The following ARHGAP35 variants were observed in gnomAD, a reference collection of about 807,000 sequenced individuals.
ARHGAP35 encodes the protein rho GTPase-activating protein 35.
In ARHGAP35, 15 loss-of-function variants were observed where a neutral mutation model predicts 111.1. The observed-to-expected ratio is 0.13, with a 90% CI of 0.09 to 0.21. The LOEUF is 0.21. Ranked by LOEUF, ARHGAP35 falls within the 10% of genes least tolerant of loss-of-function variation. ARHGAP35 has a pLI of 1.00. For synonymous variants in ARHGAP35, 643 were observed against 710.3 expected (o/e 0.91, Z 1.51); for missense variants, 1,262 against 1,873.0 (o/e 0.67, Z 6.02).
At chr19:46,976,834 G>A (rs940324957) in intron 3 of ARHGAP35, among the ~76,000 whole-genome samples, 1 of 152,212 alleles carries the variant, frequency 6.6e-6, no homozygotes, top group African/African-American at 2.4e-5. Flanking sequence ...TGGGGGCTCC[G>A]GTGGCCCTTG....
chr19:46,892,053 G>A (rs1214536232), intron 1 of ARHGAP35, among the ~76,000 whole-genome samples: 2 of 148,002 alleles, frequency 1.4e-5, no homozygotes, highest in African/African-American at 2.5e-5. Flanking sequence ...TTGGAAGGCC[G>A]AGGCAGGCAG....
intron 3 of ARHGAP35, among the ~76,000 whole-genome samples, chr19:46,985,963 C>T (rs959737768): frequency 2.0e-5 from 3 of 152,144 alleles, no homozygotes; most frequent in African/African-American, 7.2e-5. Flanking sequence ...GTAGCAGTGA[C>T]AATAACAACC....
intron 1 of ARHGAP35, among the ~76,000 whole-genome samples, chr19:46,880,236 C>A (rs145438187): frequency 0.045 from 6,812 of 152,120 alleles, 222 homozygotes; most frequent in Non-Finnish European, 0.068. Context: ...AGTTCGACAC[C>A]AGCCTGGCCA....
At chr19:46,984,628 G>A (rs1040272576) in intron 3 of ARHGAP35, among the ~76,000 whole-genome samples, 6 of 152,284 alleles carry the variant, frequency 3.9e-5, no homozygotes, top group South Asian at 2.1e-4. Flanking sequence ...TATTGTGTAC[G>A]ACAGCAGCAG....
At position 46,942,816 on chromosome 19, in the gene ARHGAP35, AG is replaced by A. The variant is rs539831576; in HGVS notation, c.3826+5409del. The stretch of plus-strand genomic sequence containing the variant: ...GGGCAACAGAGCAAGACCCTGTCTC[AG>A]AAAAAAAAAAAAAAAAAAAAGGAAA... On this transcript the variant is annotated intron_variant, in intron 3 of 6. Transcript: ENST00000672722. 8.9e-3 allele frequency among the ~76,000 whole-genome samples: 805 copies of A among 90,148 alleles called. 122 individuals carry two copies. The highest frequency in any genetic ancestry group is 0.025 in the Admixed American group (240 of 9,512). The allele number at this position is 90,148 out of a possible 152,430, so 59.1% of individuals were successfully genotyped here.
chr19:46,990,728 G>A (rs1295268893), intron 5 of ARHGAP35, among the ~76,000 whole-genome samples: 2 of 152,208 alleles, frequency 1.3e-5, no homozygotes, highest in African/African-American at 4.8e-5. Context: ...TGAGGGAGGT[G>A]ATGGATCAGC....
intron 2 of ARHGAP35, among the ~76,000 whole-genome samples, chr19:46,929,945 A>T (rs2056262820): frequency 1.3e-5 from 2 of 151,472 alleles, no homozygotes; most frequent in East Asian, 2.0e-4. Flanking sequence ...AAAATTTTTT[A>T]AAAGTTGGGG....
At chr19:46,878,779 A>G (rs750773853) in intron 1 of ARHGAP35, among the ~76,000 whole-genome samples, 7 of 152,020 alleles carry the variant, frequency 4.6e-5, no homozygotes, top group Non-Finnish European at 7.4e-5. Context: ...AAAATACTTT[A>G]TTACTTAAAA....
intron 3 of ARHGAP35, among the ~76,000 whole-genome samples, chr19:46,965,682 G>A (rs971257257): frequency 2.0e-5 from 3 of 151,908 alleles, no homozygotes; most frequent in South Asian, 2.1e-4. Context: ...ATGGGGTTTC[G>A]CCATGTTGCC....
rs1014573853 is a variant in ARHGAP35 at position 46,918,593 on chromosome 19, C to T, written c.-83C>T. On this transcript the variant is annotated 5_prime_UTR_variant, in exon 2 of 7. Coordinates refer to ENST00000672722, the MANE Select transcript of ARHGAP35 (RefSeq NM_004491.5). The surrounding 1 kb of genome is among the most constrained non-coding windows in gnomAD (Gnocchi z 5.4). ...TTGCTGCATGTCCAGCCCACCCCCA[C>T]TAATAATGTAGGAAGCTGTCTGGTC... 1.8e-5 allele frequency: 25 copies of T among 1,408,532 alleles called. No homozygotes were observed. Among genetic ancestry groups the T allele is most frequent in the Non-Finnish European group, 2.2e-5 (23 of 1,022,448 alleles). 87.3% of individuals were successfully genotyped at this position (1,408,532 alleles called of 1,614,324 possible). A position where few individuals can be genotyped will look rare whatever the true frequency, so the allele number is the denominator to read the frequency against.
chr19:46,989,388 G>A lies in ARHGAP35; in HGVS notation c.3905-156G>A, dbSNP rs977855504. 2.5e-5 allele frequency: 23 copies of A among 938,624 alleles called. No homozygotes were observed. The highest frequency in any genetic ancestry group is 3.1e-5 in the Non-Finnish European group (20 of 642,818). 58.1% of individuals were successfully genotyped at this position (938,624 alleles called of 1,614,324 possible). On this transcript the variant is annotated intron_variant, in intron 4 of 6. Transcript: ENST00000672722. The surrounding 1 kb of genome is among the most constrained non-coding windows in gnomAD (Gnocchi z 5.3). ...CCCATGCCTGAACCTCAGAACTCGC[G>A]TTAGCGCTCACAAGTCCCACCCCTC...
intron 3 of ARHGAP35, among the ~76,000 whole-genome samples, chr19:46,938,596 G>T (rs1781266259): frequency 6.6e-6 from 1 of 151,190 alleles, no homozygotes; most frequent in Admixed American, 6.6e-5. Flanking sequence ...CAGGTGATCT[G>T]CCCGCCTCGG....
chr19:46,921,314 T>G lies in ARHGAP35; in HGVS notation c.2639T>G (p.Ile880Ser). Reference sequence around the variant, plus strand: ...GCCTTTCTTTGTGAAGTGCAGGATATTATCCCTATTCAGCTTGTAGCACTC... The same window carrying G: ...GCCTTTCTTTGTGAAGTGCAGGATAGTATCCCTATTCAGCTTGTAGCACTC... Reference protein sequence around the residue: ...LRAFLCEVQDIIPIQLVALTD... With the variant: ...LRAFLCEVQDSIPIQLVALTD... Residue 880 changes from isoleucine (I) to serine (S), a missense_variant, in exon 2 of 7, where the codon ATT becomes AGT. This residue lies in a region of ARHGAP35 where 579 missense variants were observed against 716.9 expected (regional missense o/e 0.81). Coordinates refer to ENST00000672722, the MANE Select transcript of ARHGAP35 (RefSeq NM_004491.5). The surrounding 1 kb of genome is among the most constrained non-coding windows in gnomAD (Gnocchi z 4.3). The G allele has an allele frequency of 6.2e-7, 1 of 1,614,016 alleles. No individual in the cohort carries two copies. The highest frequency in any genetic ancestry group is 8.5e-7 in the Non-Finnish European group (1 of 1,179,900).
At chr19:46,876,866 T>G (rs145769153) in intron 1 of ARHGAP35, among the ~76,000 whole-genome samples, 2 of 152,260 alleles carry the variant, frequency 1.3e-5, no homozygotes, top group East Asian at 1.9e-4. Context: ...AACTCAGAGA[T>G]AGTGTGGGAT....
intron 1 of ARHGAP35, among the ~76,000 whole-genome samples, chr19:46,867,284 T>C (rs2055863332): frequency 6.6e-6 from 1 of 152,242 alleles, no homozygotes; most frequent in Non-Finnish European, 1.5e-5. Flanking sequence ...GCAGCAGTTG[T>C]GACTGTTGTA....
chr19:46,897,709 A>AT (rs970745022), intron 1 of ARHGAP35, among the ~76,000 whole-genome samples: 3 of 151,376 alleles, frequency 2.0e-5, no homozygotes, highest in African/African-American at 7.3e-5. Flanking sequence ...AAAAAAAAAA[A>AT]AGAGGCCCTA....
chr19:46,902,026 A>G (rs2056085469), intron 1 of ARHGAP35, among the ~76,000 whole-genome samples: 1 of 152,216 alleles, frequency 6.6e-6, no homozygotes, highest in Admixed American at 6.5e-5. Flanking sequence ...ATTCTTCTGA[A>G]TCACTTGTTG....
At chr19:46,895,783 C>T (rs1029883395) in intron 1 of ARHGAP35, among the ~76,000 whole-genome samples, 2 of 152,092 alleles carry the variant, frequency 1.3e-5, no homozygotes, top group African/African-American at 4.8e-5. Context: ...GAAGAGAATA[C>T]TTACCCTTCC....
intron 3 of ARHGAP35, among the ~76,000 whole-genome samples, chr19:46,968,605 G>A (rs769821414): frequency 3.3e-5 from 5 of 152,178 alleles, no homozygotes; most frequent in Admixed American, 6.5e-5. Context: ...AATGGATAAC[G>A]AGATATAATA....
Sources: gnomAD v4.1 joint callset for allele counts (sites outside exome capture counted in the v4.1 genomes callset) on GRCh38, gnomAD v4.1.1 for gene constraint, gnomAD v4.1.1 regional missense constraint, Gnocchi (gnomAD v3.1) non-coding constraint, MANE v1.5 for transcripts, NCBI Gene and HGNC (gene_info 2026-07-23, HGNC 2026-07-21) for gene names.